FBRSL1: variants seen among roughly 807,000 people sequenced by gnomAD.
FBRSL1 encodes the protein fibrosin-1-like protein.
FBRSL1 carries 51 observed loss-of-function variants against 89.6 expected under a neutral mutation model. The ratio of observed to expected loss-of-function variants is 0.57; its 90% CI spans 0.45 to 0.72. FBRSL1 has a LOEUF of 0.72. FBRSL1 is among the 30% of genes least tolerant of loss of function. The probability of loss-of-function intolerance (pLI) is 0.00; values close to 1 mark genes in which losing one functional copy is unlikely to be tolerated. For missense variants in FBRSL1, 1,618 were observed against 1,451.8 expected, an observed-to-expected ratio of 1.11 and a Z score of -1.86; for synonymous variants, 779 against 681.1, an observed-to-expected ratio of 1.14 and a Z score of -2.24.
chr12:132,528,236 GC>G (rs1566147042), intron 4 of FBRSL1, among the ~76,000 whole-genome samples: 1 of 152,206 alleles, frequency 6.6e-6, no homozygotes, highest in Non-Finnish European at 1.5e-5. Flanking sequence ...CTAACATGCT[GC>G]CCCAGGGGGA....
chr12:132,549,137 T>C (rs2037937861), intron 5 of FBRSL1, among the ~76,000 whole-genome samples: 1 of 152,024 alleles, frequency 6.6e-6, no homozygotes. Context: ...TCAAGGTAAG[T>C]CGCCGTGGAA....
At chr12:132,582,307 T>G in intron 18 of FBRSL1, 41 bp downstream of exon 18, 2 of 1,466,358 alleles carry the variant, frequency 1.4e-6, no homozygotes, top group South Asian at 1.2e-5. Flanking sequence ...CACACACCCC[T>G]ACCCCGTTCT....
intron 5 of FBRSL1, among the ~76,000 whole-genome samples, chr12:132,559,338 G>C (rs1370760391): frequency 6.6e-6 from 1 of 152,224 alleles, no homozygotes; most frequent in East Asian, 1.9e-4. Flanking sequence ...GCGGACGGGT[G>C]GGGGAAGGGC....
chr12:132,541,434 C>A (rs1863783628), intron 4 of FBRSL1, among the ~76,000 whole-genome samples: 1 of 152,098 alleles, frequency 6.6e-6, no homozygotes, highest in Non-Finnish European at 1.5e-5. Flanking sequence ...AGGTCATGCA[C>A]CCCCCCACCC....
chr12:132,507,828 G>A (rs773168468), intron 1 of FBRSL1, among the ~76,000 whole-genome samples: 2 of 152,138 alleles, frequency 1.3e-5, no homozygotes, highest in Non-Finnish European at 2.9e-5. Context: ...CCTGGTCTCA[G>A]CAGGGAGGGG....
At chr12:132,576,196 CT>C (rs916746441) in intron 14 of FBRSL1, among the ~76,000 whole-genome samples, 18 of 124,964 alleles carry the variant, frequency 1.4e-4, no homozygotes, top group Admixed American at 3.8e-4. Flanking sequence ...TTTTCAGTTT[CT>C]TTTTTTTTTT....
At chr12:132,514,078 C>G (rs575931504) in intron 2 of FBRSL1, among the ~76,000 whole-genome samples, 6 of 152,350 alleles carry the variant, frequency 3.9e-5, no homozygotes, top group Admixed American at 3.3e-4. Flanking sequence ...TTTGCTCATT[C>G]GGGATCCTTG....
Position 132,490,804 on chromosome 12 carries a change from G to A in FBRSL1, c.234G>A (p.Glu78=). The A allele has an allele frequency of 2.2e-6, 3 of 1,385,412 alleles. No individual in the cohort carries two copies. The highest frequency in any genetic ancestry group is 2.8e-6 in the Non-Finnish European group (3 of 1,064,194). 85.8% of individuals were successfully genotyped at this position (1,385,412 alleles called of 1,614,324 possible). A position where few individuals can be genotyped will look rare whatever the true frequency, so the allele number is the denominator to read the frequency against. ...GCCGCCGCGAGTCCAGCTCGCAGGA[G>A]GAGGAGGTCATCGACGGCTTCGCCA... is the stretch of plus-strand genomic sequence containing the variant. ...RRRRRESSSQ[E]EEVIDGFAIA... Residue 78 remains glutamate (E), a synonymous_variant, in exon 1 of 19, where the codon GAG becomes GAA. Transcript: ENST00000680143.
intron 15 of FBRSL1, chr12:132,581,121 C>A: frequency 1.0e-6 from 1 of 985,464 alleles, no homozygotes; most frequent in Non-Finnish European, 1.2e-6. Flanking sequence ...GATCAAGGTG[C>A]ATGTTACTTG....
chr12:132,546,345 CG>C lies in FBRSL1; in HGVS notation c.616-1654del, dbSNP rs1454782761. ...TGGTGAGCTCCGCACCTGCAGCCTC[CG>C]GGGCGGGATGGGCCCGGTTCTGACT... is the stretch of plus-strand genomic sequence containing the variant. On this transcript the variant is annotated intron_variant, in intron 4 of 18. Transcript: ENST00000680143. This position sits in a 1 kb window ranked among gnomAD's most constrained non-coding sequence, Gnocchi z 4.0. Among the ~76,000 whole-genome samples, 2 of 151,950 alleles carry C rather than the reference CG, an allele frequency of 1.3e-5. No individual in the cohort carries two copies. The highest frequency in any genetic ancestry group is 4.8e-5 in the African/African-American group (2 of 41,452).
At chr12:132,544,085 C>T (rs1247685123) in intron 4 of FBRSL1, among the ~76,000 whole-genome samples, 4 of 152,180 alleles carry the variant, frequency 2.6e-5, no homozygotes, top group Admixed American at 6.5e-5. Flanking sequence ...CAGAGCCTGC[C>T]CCCACGGCCA....
rs2034531625 is a variant in FBRSL1, at chr12:132,513,240, T to A, written c.489+4890T>A. Among the ~76,000 whole-genome samples, 2 of 152,120 alleles carry A rather than the reference T, an allele frequency of 1.3e-5. 1 individual carries two copies. The highest frequency in any genetic ancestry group is 4.1e-4 in the South Asian group (2 of 4,820). ...AGGCCTCCGGCAAGTGGGATTTGGC[T>A]CCCATCACAGGCAGCAGATTGGAGC... On this transcript the variant is annotated intron_variant, in intron 2 of 18. Transcript: ENST00000680143.
chr12:132,556,985 T>C (rs2038729908), intron 5 of FBRSL1, among the ~76,000 whole-genome samples: 1 of 152,164 alleles, frequency 6.6e-6, no homozygotes, highest in Admixed American at 6.5e-5. Flanking sequence ...GCCCCAGCGC[T>C]CGGCTAACCA....
At chr12:132,507,536 G>A (rs1332776681) in intron 1 of FBRSL1, 3 of 650,438 alleles carry the variant, frequency 4.6e-6, no homozygotes, top group Non-Finnish European at 5.7e-6. Flanking sequence ...GGACGAGAGG[G>A]GACCAGGGGA....
At chr12:132,548,890 C>T (rs1383625537) in intron 5 of FBRSL1, among the ~76,000 whole-genome samples, 1 of 152,200 alleles carries the variant, frequency 6.6e-6, no homozygotes, top group Non-Finnish European at 1.5e-5. Context: ...ACGATTCTCG[C>T]CCTGAGCCAG....
chr12:132,580,053 T>G (rs2040638712), intron 15 of FBRSL1, among the ~76,000 whole-genome samples: 1 of 152,170 alleles, frequency 6.6e-6, no homozygotes, highest in East Asian at 1.9e-4. Flanking sequence ...CCTTCATTAA[T>G]CTCACCAGAA....
intron 1 of FBRSL1, among the ~76,000 whole-genome samples, chr12:132,497,517 C>T (rs1052347173): frequency 1.1e-4 from 17 of 152,072 alleles, no homozygotes; most frequent in African/African-American, 3.9e-4. Flanking sequence ...CCCCTCCCTC[C>T]GGACTCCCCC....
chr12:132,525,686 C>T (rs1168071562), intron 2 of FBRSL1, 48 bp from the exon 3 acceptor site: 54 of 1,474,888 alleles, frequency 3.7e-5, no homozygotes, highest in Non-Finnish European at 4.7e-5. Flanking sequence ...CCGATGCGGA[C>T]GCGGTGAGGT....
intron 9 of FBRSL1, 52 bp downstream of exon 9, chr12:132,571,283 T>A: frequency 6.7e-7 from 1 of 1,502,504 alleles, no homozygotes; most frequent in Non-Finnish European, 9.0e-7. Context: ...TGCCTCTCTG[T>A]CTCTCTCTCT....
Sources: allele counts gnomAD v4.1 joint callset (sites outside exome capture counted in the v4.1 genomes callset), GRCh38; gene constraint gnomAD v4.1.1; non-coding constraint Gnocchi (gnomAD v3.1); transcripts MANE v1.5; gene names NCBI Gene and HGNC (gene_info 2026-07-23, HGNC 2026-07-21).